VWC2L: variants seen among roughly 807,000 people sequenced by gnomAD.
VWC2L encodes von Willebrand factor C domain-containing protein 2-like.
VWC2L carries 10 observed loss-of-function variants against 21.6 expected under a neutral mutation model. The observed-to-expected ratio is 0.46, with a 90% CI of 0.29 to 0.78. VWC2L has a LOEUF of 0.78. Ranked by LOEUF, VWC2L falls within the 30% of genes least tolerant of loss-of-function variation. VWC2L has a pLI of 0.10. For synonymous variants in VWC2L, 96 were observed against 94.3 expected, an observed-to-expected ratio of 1.02 and a Z score of -0.10; for missense variants, 209 against 277.1, an observed-to-expected ratio of 0.75 and a Z score of 1.74.
At chr2:214,510,906 C>A (rs967862590) in intron 3 of VWC2L, among the ~76,000 whole-genome samples, 1 of 152,194 alleles carries the variant, frequency 6.6e-6, no homozygotes, top group African/African-American at 2.4e-5. Flanking sequence ...GGGTACTTTA[C>A]AAATGTAATT....
intron 3 of VWC2L, among the ~76,000 whole-genome samples, chr2:214,559,808 C>G (rs1689938119): frequency 6.6e-6 from 1 of 152,066 alleles, no homozygotes; most frequent in Non-Finnish European, 1.5e-5. Context: ...AGTATGTTGC[C>G]CAGGCTAGTC....
At chr2:214,508,811 T>A (rs560223631) in intron 3 of VWC2L, among the ~76,000 whole-genome samples, 1 of 152,304 alleles carries the variant, frequency 6.6e-6, no homozygotes, top group African/African-American at 2.4e-5. Context: ...TTTGTTTCTG[T>A]TTTTGTTTTG....
chr2:214,518,165 CAAA>C (rs34081032), intron 3 of VWC2L, among the ~76,000 whole-genome samples: 2 of 144,334 alleles, frequency 1.4e-5, no homozygotes, highest in Non-Finnish European at 1.5e-5. Context: ...GACTCTGTCT[CAAA>C]AAAAAAAAAA....
intron 3 of VWC2L, among the ~76,000 whole-genome samples, chr2:214,500,722 G>T (rs149825452): frequency 1.8e-3 from 276 of 152,240 alleles, no homozygotes; most frequent in African/African-American, 6.5e-3. Context: ...CAAGATCAGA[G>T]TTCTATTAGT....
intron 3 of VWC2L, among the ~76,000 whole-genome samples, chr2:214,564,359 A>C (rs1028827304): frequency 6.6e-6 from 1 of 152,238 alleles, no homozygotes; most frequent in African/African-American, 2.4e-5. Flanking sequence ...TCATATAGGG[A>C]AGACAATCCT....
chr2:214,488,556 C>A (rs1032750723), intron 3 of VWC2L, among the ~76,000 whole-genome samples: 1 of 152,156 alleles, frequency 6.6e-6, no homozygotes, highest in African/African-American at 2.4e-5. Flanking sequence ...CGTGTTCACA[C>A]CACTGCACTC....
chr2:214,426,491 T>C (rs1702526321), intron 2 of VWC2L, among the ~76,000 whole-genome samples: 1 of 152,236 alleles, frequency 6.6e-6, no homozygotes, highest in Non-Finnish European at 1.5e-5. Flanking sequence ...AAACTAGATT[T>C]GTGCCTAAAA....
intron 3 of VWC2L, among the ~76,000 whole-genome samples, chr2:214,489,519 G>A (rs1388992670): frequency 1.3e-5 from 2 of 152,140 alleles, no homozygotes; most frequent in African/African-American, 4.8e-5. Context: ...TAAATTAATA[G>A]CATTTAAATG....
rs1186764523 is a variant in VWC2L at position 214,577,056 on chromosome 2, A to G, written c.*1236A>G. ...TAATGCTGCTAGTATAGTAACAGAA[A>G]AAACAAAACACACAGGGTATCTGAT... On this transcript the variant is annotated 3_prime_UTR_variant, in exon 4 of 4. Coordinates refer to ENST00000312504, the MANE Select transcript of VWC2L (RefSeq NM_001080500.4). 3 of 152,208 alleles carry G rather than the reference A, an allele frequency of 2.0e-5. No homozygotes were observed. Among genetic ancestry groups the G allele is most frequent in the Non-Finnish European group, 4.4e-5 (3 of 68,036 alleles). 9.4% of individuals were successfully genotyped at this position (152,208 alleles called of 1,614,324 possible). A position where few individuals can be genotyped will look rare whatever the true frequency, so the allele number is the denominator to read the frequency against.
chr2:214,475,389 T>TAAA (rs145282542), intron 3 of VWC2L, among the ~76,000 whole-genome samples: 1 of 148,810 alleles, frequency 6.7e-6, no homozygotes, highest in African/African-American at 2.5e-5. Flanking sequence ...AAGGGATATG[T>TAAA]AAAAAAAAAA....
chr2:214,464,074 C>G (rs939827253), intron 3 of VWC2L, among the ~76,000 whole-genome samples: 1 of 152,104 alleles, frequency 6.6e-6, no homozygotes, highest in African/African-American at 2.4e-5. Context: ...TCAATTTTAT[C>G]AAGCATCCTG....
rs550649524 is a variant in VWC2L at position 214,544,749 on chromosome 2, A to C, written c.521-30923A>C. 5.3e-5 allele frequency among the ~76,000 whole-genome samples: 8 copies of C among 152,258 alleles called. No homozygotes were observed. The South Asian group carries it at 1.7e-3, about 32-fold the overall frequency. ...ATTGCAAATATGATGAGATGATTAC[A>C]AAAGGTTAATGGAGTGATCTCTTCT... is the stretch of plus-strand genomic sequence containing the variant. On this transcript the variant is annotated intron_variant, in intron 3 of 3. Coordinates refer to ENST00000312504, the MANE Select transcript of VWC2L (RefSeq NM_001080500.4).
At chr2:214,537,782 T>A (rs1689559314) in intron 3 of VWC2L, among the ~76,000 whole-genome samples, 1 of 152,106 alleles carries the variant, frequency 6.6e-6, no homozygotes, top group Admixed American at 6.6e-5. Context: ...TCAGGCCTTT[T>A]TTATTTGTTC....
intron 3 of VWC2L, among the ~76,000 whole-genome samples, chr2:214,493,492 G>A (rs1405709773): frequency 6.6e-6 from 1 of 152,158 alleles, no homozygotes; most frequent in Admixed American, 6.5e-5. Flanking sequence ...CTTTGGTGCT[G>A]CTTTTCTCTC....
chr2:214,514,664 T>C (rs1689112800), intron 3 of VWC2L, among the ~76,000 whole-genome samples: 1 of 152,208 alleles, frequency 6.6e-6, no homozygotes, highest in Non-Finnish European at 1.5e-5. Context: ...CTATAGCACT[T>C]CACCTAGAAA....
At chr2:214,566,831 A>G (rs1218693102) in intron 3 of VWC2L, among the ~76,000 whole-genome samples, 1 of 152,204 alleles carries the variant, frequency 6.6e-6, no homozygotes, top group Non-Finnish European at 1.5e-5. Context: ...TAATATTTTA[A>G]TAGATGAAAA....
At chr2:214,465,985 A>G (rs1314322351) in intron 3 of VWC2L, among the ~76,000 whole-genome samples, 1 of 152,156 alleles carries the variant, frequency 6.6e-6, no homozygotes, top group East Asian at 1.9e-4. Flanking sequence ...TCTCTCTGCA[A>G]TGAGGTCACT....
In VWC2L at chr2:214,429,884, C is replaced by T. The variant is rs545068458; in HGVS notation, c.391-6745C>T. On this transcript the variant is annotated intron_variant, in intron 2 of 3. Transcript: ENST00000312504. The stretch of plus-strand genomic sequence containing the variant: ...TGTTGTCCAGGCTGGAGTGCAATGG[C>T]GCAATCTTGGCTCACTGCAACCTCC... 1.4e-4 allele frequency among the ~76,000 whole-genome samples: 22 copies of T among 152,158 alleles called. No homozygotes were observed. In the South Asian group the frequency reaches 2.3e-3, roughly 16 times the overall value.
intron 3 of VWC2L, among the ~76,000 whole-genome samples, chr2:214,565,163 G>C (rs1430842213): frequency 3.9e-5 from 6 of 152,140 alleles, no homozygotes; most frequent in East Asian, 3.9e-4. Context: ...CCATAATTCA[G>C]TATTTCTGTG....
Sources: allele counts gnomAD v4.1 joint callset (sites outside exome capture counted in the v4.1 genomes callset), GRCh38; gene constraint gnomAD v4.1.1; transcripts MANE v1.5; gene names NCBI Gene and HGNC (gene_info 2026-07-23, HGNC 2026-07-21).